PKHD1: variants seen among roughly 807,000 people sequenced by gnomAD.
PKHD1 encodes the protein PKHD1 ciliary IPT domain containing fibrocystin/polyductin.
PKHD1 carries 291 observed loss-of-function variants against 412.0 expected under a neutral mutation model. That is an observed-to-expected ratio of 0.71 (90% CI 0.64 to 0.78). The LOEUF is 0.78. PKHD1 is among the 30% of genes least tolerant of loss of function. The pLI, the probability that PKHD1 is intolerant of heterozygous loss-of-function variation, is 0.00. For synonymous variants in PKHD1, 1,777 were observed against 1,821.5 expected (o/e 0.98, Z 0.62); for missense variants, 4,825 against 4,950.7 (o/e 0.97, Z 0.76).
At chr6:51,678,602 A>ACATACAT (rs1776197160) in intron 60 of PKHD1, among the ~76,000 whole-genome samples, 1 of 152,152 alleles carries the variant, frequency 6.6e-6, no homozygotes, top group South Asian at 2.1e-4. Context: ...AAAGAAATGC[A>ACATACAT]CATACATAAG....
At chr6:51,712,833 G>A (rs528359534) in intron 60 of PKHD1, among the ~76,000 whole-genome samples, 1 of 152,304 alleles carries the variant, frequency 6.6e-6, no homozygotes, top group Admixed American at 6.5e-5. Flanking sequence ...TAAAGTAGTA[G>A]ATGCAATAAT....
rs182311586 is a variant in PKHD1, at chr6:51,958,498, T to C, written c.5908+1372A>G. On this transcript the variant is annotated intron_variant, in intron 36 of 66. Transcript: ENST00000371117. ...TCCTTCTGATGCCTCTTCTCTGTTTTCAGCCTCTGGTGCTGTCAACACTAT... is the reference window on the plus strand; with the variant it reads ...TCCTTCTGATGCCTCTTCTCTGTTTCCAGCCTCTGGTGCTGTCAACACTAT... 1.6e-4 allele frequency among the ~76,000 whole-genome samples: 24 copies of C among 152,240 alleles called. No homozygotes were observed. In the East Asian group the frequency reaches 4.1e-3, roughly 26 times the overall value.
At chr6:51,620,618 A>AT (rs1766485902) in intron 66 of PKHD1, among the ~76,000 whole-genome samples, 3 of 151,640 alleles carry the variant, frequency 2.0e-5, no homozygotes, top group African/African-American at 7.3e-5. Flanking sequence ...GCTTTTTGTT[A>AT]TTTTTTTCCT....
intron 64 of PKHD1, among the ~76,000 whole-genome samples, chr6:51,635,433 A>G (rs1768403205): frequency 6.6e-6 from 1 of 152,204 alleles, no homozygotes; most frequent in Non-Finnish European, 1.5e-5. Flanking sequence ...AATAATCTCA[A>G]TATATTCACT....
intron 60 of PKHD1, among the ~76,000 whole-genome samples, chr6:51,702,230 T>TATAATATATAATATATTATATATATTA (rs1779535979): frequency 1.1e-5 from 1 of 94,906 alleles, no homozygotes; most frequent in Non-Finnish European, 2.6e-5. Flanking sequence ...TATATATATG[T>TATAATATATAATATATTATATATATTA]CATGGAATAC....
chr6:52,065,875 G>A, intron 12 of PKHD1, 101 bp downstream of exon 12: 1 of 736,246 alleles, frequency 1.4e-6, no homozygotes, highest in Non-Finnish European at 2.5e-6. Flanking sequence ...GTCAGAAGGG[G>A]CAAAGCTTGC....
rs569643833 is a variant in PKHD1 at position 52,024,870 on chromosome 6, A to G, written c.4940T>C (p.Ile1647Thr). The change falls in exon 32 of 67, where the codon ATA becomes ACA. Residue 1647 changes from isoleucine to threonine, a missense_variant. Coordinates refer to ENST00000371117, the MANE Select transcript of PKHD1 (RefSeq NM_138694.4). ...GGCCTTGTTATAACCAATGACTCCT[A>G]TGTGATACCAAAGTCCATCTACCTC... Reference protein sequence around the residue: ...EIEVDGLWYHIGVIGYNKAFT... With the variant: ...EIEVDGLWYHTGVIGYNKAFT... 6.8e-6 allele frequency: 11 copies of G among 1,614,208 alleles called. No homozygotes were observed. Among genetic ancestry groups the G allele is most frequent in the Non-Finnish European group, 9.3e-6 (11 of 1,180,028 alleles).
Position 52,054,212 on chromosome 6 carries a change from G to A in PKHD1, c.1837-47C>T, listed in dbSNP as rs150743649. 476 of 1,603,424 alleles carry A rather than the reference G, an allele frequency of 3.0e-4. 3 individuals are homozygous for A. The East Asian group carries it at 0.01, about 34-fold the overall frequency. The stretch of plus-strand genomic sequence containing the variant: ...TTCAGTTCTATTAGTGCAAGAAGCA[G>A]TCATTCAAACAATACGTAGTGAGGA... On this transcript the variant is annotated intron_variant, in intron 19 of 66. Coordinates refer to ENST00000371117, the MANE Select transcript of PKHD1 (RefSeq NM_138694.4).
At chr6:52,003,801 T>A (rs1232854386) in intron 35 of PKHD1, among the ~76,000 whole-genome samples, 1 of 152,226 alleles carries the variant, frequency 6.6e-6, no homozygotes, top group African/African-American at 2.4e-5. Context: ...CCAATTTTGT[T>A]CCTTTTCAAG....
intron 43 of PKHD1, among the ~76,000 whole-genome samples, chr6:51,890,173 T>C (rs1778887104): frequency 6.6e-6 from 1 of 152,162 alleles, no homozygotes; most frequent in Non-Finnish European, 1.5e-5. Flanking sequence ...GCAAAGAAAC[T>C]GAAGCTCAGA....
At chr6:52,067,907 G>A (rs1809995991) in intron 11 of PKHD1, among the ~76,000 whole-genome samples, 1 of 152,166 alleles carries the variant, frequency 6.6e-6, no homozygotes, top group Non-Finnish European at 1.5e-5. Flanking sequence ...GAGAAAGCCA[G>A]GGAGGGGCTT....
At chr6:51,963,470 T>C (rs1792366272) in intron 35 of PKHD1, among the ~76,000 whole-genome samples, 1 of 152,096 alleles carries the variant, frequency 6.6e-6, no homozygotes, top group African/African-American at 2.4e-5. Flanking sequence ...TACTAAAAAA[T>C]CTAAAAATTA....
intron 37 of PKHD1, among the ~76,000 whole-genome samples, chr6:51,915,119 T>C (rs1309829138): frequency 6.6e-6 from 1 of 151,970 alleles, no homozygotes; most frequent in African/African-American, 2.4e-5. Flanking sequence ...AGAGAAGATA[T>C]GGGGTCAATC....
intron 53 of PKHD1, among the ~76,000 whole-genome samples, chr6:51,786,637 G>T (rs1792897617): frequency 6.6e-6 from 1 of 152,076 alleles, no homozygotes; most frequent in Admixed American, 6.6e-5. Context: ...TCTAAAATAT[G>T]TACCTGTTCA....
At chr6:51,979,156 T>C (rs954691920) in intron 35 of PKHD1, among the ~76,000 whole-genome samples, 1 of 152,136 alleles carries the variant, frequency 6.6e-6, no homozygotes, top group Non-Finnish European at 1.5e-5. Context: ...TCTCTATGTA[T>C]GCAGTTACAT....
chr6:51,623,750 A>G (rs1344008511), intron 66 of PKHD1, among the ~76,000 whole-genome samples: 1 of 151,766 alleles, frequency 6.6e-6, no homozygotes, highest in Non-Finnish European at 1.5e-5. Flanking sequence ...CACCCAGCTA[A>G]TTTTTTCTGT....
intron 60 of PKHD1, among the ~76,000 whole-genome samples, chr6:51,728,339 T>C (rs1415992313): frequency 1.3e-5 from 2 of 152,154 alleles, no homozygotes; most frequent in Admixed American, 1.3e-4. Flanking sequence ...CACGCTACCT[T>C]ATACCTCTCA....
intron 35 of PKHD1, among the ~76,000 whole-genome samples, chr6:51,984,885 A>G (rs777127045): frequency 1.3e-5 from 2 of 152,232 alleles, no homozygotes; most frequent in Admixed American, 6.5e-5. Context: ...TACCAAGGAG[A>G]AAACGTCCAA....
intron 51 of PKHD1, among the ~76,000 whole-genome samples, chr6:51,831,371 A>C (rs1768214494): frequency 6.6e-6 from 1 of 152,152 alleles, no homozygotes; most frequent in Non-Finnish European, 1.5e-5. Flanking sequence ...AATTGAGATT[A>C]TATCAAATCC....
Sources: gnomAD v4.1 joint callset for allele counts (sites outside exome capture counted in the v4.1 genomes callset) on GRCh38, gnomAD v4.1.1 for gene constraint, MANE v1.5 for transcripts, NCBI Gene and HGNC (gene_info 2026-07-23, HGNC 2026-07-21) for gene names.